ABLIM1: variants seen among roughly 807,000 people sequenced by gnomAD.
ABLIM1 encodes actin-binding LIM protein 1.
Under a neutral mutation model 107.0 loss-of-function variants are expected in ABLIM1, and 40 were observed. The observed-to-expected ratio is 0.37, with a 90% confidence interval of 0.29 to 0.49. The LOEUF is 0.49. ABLIM1 is among the 20% of genes least tolerant of loss of function. ABLIM1 has a pLI of 0.97. For missense variants in ABLIM1, 857 were observed against 1,008.5 expected (o/e 0.85, Z 2.04); for synonymous variants, 357 against 357.3 (o/e 1.00, Z 0.01).
At chr10:114,703,670 A>G (rs2081349879) in intron 1 of ABLIM1, among the ~76,000 whole-genome samples, 1 of 152,192 alleles carries the variant, frequency 6.6e-6, no homozygotes, top group Non-Finnish European at 1.5e-5. Context: ...AACGCCTCCA[A>G]TGCACCTGGT....
In ABLIM1 at chr10:114,522,775, C is replaced by T. The variant is rs142244089; in HGVS notation, c.894+22230G>A. ...TTCCTCTTTGATGAAGGTCCCCTCC[C>T]GTCAAAGGCTGCACCTTAAGCCTCT... On this transcript the variant is annotated intron_variant, in intron 6 of 22. Transcript: ENST00000533213. Among the ~76,000 whole-genome samples, 731 of 152,312 alleles carry T rather than the reference C, an allele frequency of 4.8e-3. 6 individuals are homozygous for T. Among genetic ancestry groups the T allele is most frequent in the African/African-American group, 0.017 (689 of 41,558 alleles).
At chr10:114,525,509 C>T (rs1162677154) in intron 6 of ABLIM1, among the ~76,000 whole-genome samples, 1 of 152,218 alleles carries the variant, frequency 6.6e-6, no homozygotes, top group Non-Finnish European at 1.5e-5. Context: ...AGGCCTCACG[C>T]TTAGTCTTAA....
chr10:114,703,891 T>C (rs1389051717), intron 1 of ABLIM1, among the ~76,000 whole-genome samples: 1 of 152,212 alleles, frequency 6.6e-6, no homozygotes, highest in Non-Finnish European at 1.5e-5. Context: ...CGTTTCTCAC[T>C]ACACGTGAGC....
chr10:114,463,181 CA>C (rs749328499), intron 12 of ABLIM1: 3 of 1,256,512 alleles, frequency 2.4e-6, no homozygotes, highest in South Asian at 2.7e-5. Flanking sequence ...AGCAAGGAGT[CA>C]GGGGCAGGGC....
chr10:114,641,860 C>T (rs1280534594), intron 1 of ABLIM1, among the ~76,000 whole-genome samples: 1 of 148,918 alleles, frequency 6.7e-6, no homozygotes, highest in Non-Finnish European at 1.5e-5. Context: ...TTGTAAAGGG[C>T]CTTGGCTTTT....
At chr10:114,714,477 G>A (rs964909653) in intron 1 of ABLIM1, among the ~76,000 whole-genome samples, 1 of 152,196 alleles carries the variant, frequency 6.6e-6, no homozygotes, top group Non-Finnish European at 1.5e-5. Context: ...GTTGAAAGCC[G>A]CACTTGAGAA....
At chr10:114,673,103 C>T (rs1008301443) in intron 1 of ABLIM1, among the ~76,000 whole-genome samples, 1 of 151,722 alleles carries the variant, frequency 6.6e-6, no homozygotes, top group Non-Finnish European at 1.5e-5. Flanking sequence ...ACTAAAAATA[C>T]AAAAATTAGC....
chr10:114,799,774 G>A, the ABLIM1 span, among the ~76,000 whole-genome samples: 1 of 151,670 alleles, frequency 6.6e-6, no homozygotes, highest in East Asian at 1.9e-4. Context: ...GCATCATCTG[G>A]AATGATTTTT....
rs569967176 is a variant in ABLIM1, at chr10:114,509,226, G to A, written c.895-17348C>T. Among the ~76,000 whole-genome samples, 34 of 152,318 alleles carry A rather than the reference G, an allele frequency of 2.2e-4. 2 individuals are homozygous for A. In the South Asian group the frequency reaches 6.8e-3, roughly 31 times the overall value. On this transcript the variant is annotated intron_variant, in intron 6 of 22. Transcript: ENST00000533213. ...GCTTGATACAGTCAAGTGCTGGTGA[G>A]GAAGCAGCATGGAGAGTGCGGTGTG...
chr10:114,712,353 GAAAAAAAAAA>G (rs10583793), intron 1 of ABLIM1, among the ~76,000 whole-genome samples: 1 of 44,086 alleles, frequency 2.3e-5, no homozygotes, highest in Non-Finnish European at 4.0e-5. Context: ...ACTCCGTCTC[GAAAAAAAAAA>G]AAAAAAAAAA....
intron 1 of ABLIM1, among the ~76,000 whole-genome samples, chr10:114,728,722 A>G (rs2082013570): frequency 6.6e-6 from 1 of 152,128 alleles, no homozygotes; most frequent in African/African-American, 2.4e-5. Context: ...AAAGCATGAT[A>G]GTGAGAACAC....
At chr10:114,489,655 A>G (rs1455203478) in intron 7 of ABLIM1, among the ~76,000 whole-genome samples, 1 of 152,182 alleles carries the variant, frequency 6.6e-6, no homozygotes, top group Non-Finnish European at 1.5e-5. Context: ...GCTCAGGAGA[A>G]GCATTCGCCG....
intron 6 of ABLIM1, among the ~76,000 whole-genome samples, chr10:114,529,457 A>G (rs1211839414): frequency 2.0e-5 from 3 of 152,090 alleles, no homozygotes; most frequent in African/African-American, 7.2e-5. Flanking sequence ...TATTTGGATG[A>G]TCAGTTTCTC....
intron 6 of ABLIM1, among the ~76,000 whole-genome samples, chr10:114,520,823 A>C (rs1454800139): frequency 6.6e-6 from 1 of 151,854 alleles, no homozygotes; most frequent in Admixed American, 6.6e-5. Context: ...TAATAATAAA[A>C]AAAAATTAGC....
the ABLIM1 span, among the ~76,000 whole-genome samples, chr10:114,795,622 T>C: frequency 6.6e-6 from 1 of 151,794 alleles, no homozygotes; most frequent in East Asian, 1.9e-4. Flanking sequence ...GGCAGGAGAA[T>C]TGCTTGAACA....
intron 1 of ABLIM1, among the ~76,000 whole-genome samples, chr10:114,683,990 G>A (rs958656247): frequency 6.6e-6 from 1 of 152,168 alleles, no homozygotes; most frequent in Admixed American, 6.5e-5. Context: ...GCCTTTTAAT[G>A]TGCCCAAAGG....
At chr10:114,476,238 G>A (rs1422199242) in intron 8 of ABLIM1, among the ~76,000 whole-genome samples, 3 of 152,276 alleles carry the variant, frequency 2.0e-5, no homozygotes, top group South Asian at 2.1e-4. Flanking sequence ...AGGACCTGCC[G>A]TGCACAAGCG....
At chr10:114,691,529 G>T (rs1450940336) in intron 1 of ABLIM1, among the ~76,000 whole-genome samples, 2 of 152,092 alleles carry the variant, frequency 1.3e-5, no homozygotes, top group Admixed American at 6.5e-5. Context: ...TGTATTCCCT[G>T]CAAAAACAAC....
intron 4 of ABLIM1, among the ~76,000 whole-genome samples, chr10:114,557,900 G>A (rs962923657): frequency 4.7e-5 from 7 of 148,958 alleles, no homozygotes; most frequent in Admixed American, 2.7e-4. Flanking sequence ...ACAATGAGAT[G>A]CCAGACCCCT....
Sources: gnomAD v4.1 joint callset for allele counts (sites outside exome capture counted in the v4.1 genomes callset) on GRCh38, gnomAD v4.1.1 for gene constraint, MANE v1.5 for transcripts, NCBI Gene and HGNC (gene_info 2026-07-23, HGNC 2026-07-21) for gene names.